ZC3H7A: variants seen among roughly 807,000 people sequenced by gnomAD.
ZC3H7A encodes the protein zinc finger CCCH-type containing 7A, also known as zinc finger CCCH domain-containing protein 7A.
A neutral mutation model predicts 125.5 loss-of-function variants in ZC3H7A; 44 were observed. That is an observed-to-expected ratio of 0.35 (90% confidence interval 0.28 to 0.45). The LOEUF is 0.45. ZC3H7A is among the 20% of genes least tolerant of loss of function. The pLI, the probability that ZC3H7A is intolerant of heterozygous loss-of-function variation, is 1.00. For missense variants in ZC3H7A, 977 were observed against 1,170.7 expected (o/e 0.83, Z 2.41); for synonymous variants, 399 against 391.2 (o/e 1.02, Z -0.23).
chr16:11,791,410 A>G (rs2053350215), intron 1 of ZC3H7A, among the ~76,000 whole-genome samples: 1 of 151,872 alleles, frequency 6.6e-6, no homozygotes, highest in African/African-American at 2.4e-5. Context: ...ATCCATCCAC[A>G]AGTGGGCTTA....
intron 19 of ZC3H7A, among the ~76,000 whole-genome samples, chr16:11,760,437 T>C (rs1448071832): frequency 1.3e-5 from 2 of 152,216 alleles, no homozygotes; most frequent in Non-Finnish European, 2.9e-5. Flanking sequence ...CCACTTTGGA[T>C]AAAACACAAA....
intron 12 of ZC3H7A, 90 bp downstream of exon 12, chr16:11,768,225 T>A (rs1000389525): frequency 1.6e-6 from 2 of 1,222,426 alleles, no homozygotes; most frequent in African/African-American, 3.1e-5. Context: ...TAATAACTGA[T>A]GTTGTTAACA....
At chr16:11,768,557 C>T in intron 11 of ZC3H7A, 56 bp from the exon 12 acceptor site, 2 of 1,373,812 alleles carry the variant, frequency 1.5e-6, no homozygotes, top group South Asian at 1.8e-5. Context: ...ATTGCATTAT[C>T]ACTGAAGAAA....
At chr16:11,752,519 CTT>C in intron 22 of ZC3H7A, 148 bp downstream of exon 22, 1 of 949,980 alleles carries the variant, frequency 1.1e-6, no homozygotes, top group Non-Finnish European at 1.5e-6. Flanking sequence ...CAGCGAAACA[CTT>C]TGAGCCAAAA....
intron 20 of ZC3H7A, among the ~76,000 whole-genome samples, chr16:11,758,219 C>G (rs1258414752): frequency 1.3e-5 from 2 of 152,172 alleles, no homozygotes; most frequent in Non-Finnish European, 2.9e-5. Context: ...CAAATCTGAC[C>G]TAACCAAACA....
intron 16 of ZC3H7A, chr16:11,763,261 C>A (rs1261902498): frequency 8.2e-6 from 3 of 366,202 alleles, no homozygotes; most frequent in East Asian, 4.6e-5. Context: ...GCGCCCACCA[C>A]CACGCCCGAT....
chr16:11,775,098 C>T, intron 7 of ZC3H7A, 85 bp from the exon 8 acceptor site: 17 of 1,429,166 alleles, frequency 1.2e-5, no homozygotes, highest in Non-Finnish European at 1.7e-5. Flanking sequence ...CTAGGCCGGG[C>T]ACAGTGGCTC....
intron 1 of ZC3H7A, among the ~76,000 whole-genome samples, chr16:11,787,162 T>TC (rs2053268759): frequency 6.6e-6 from 1 of 151,760 alleles, no homozygotes; most frequent in African/African-American, 2.4e-5. Context: ...TTAAGCCAGG[T>TC]GTGGTGGTAC....
At chr16:11,772,942 C>T (rs897298628) in intron 9 of ZC3H7A, among the ~76,000 whole-genome samples, 1 of 151,814 alleles carries the variant, frequency 6.6e-6, no homozygotes, top group Non-Finnish European at 1.5e-5. Flanking sequence ...CTGCCTGCCT[C>T]AGCCTCCCAA....
At chr16:11,788,232 C>G (rs1330333550) in intron 1 of ZC3H7A, among the ~76,000 whole-genome samples, 1 of 152,136 alleles carries the variant, frequency 6.6e-6, no homozygotes, top group Non-Finnish European at 1.5e-5. Flanking sequence ...GCCACTCTGT[C>G]TCCTGCAAGC....
intron 1 of ZC3H7A, among the ~76,000 whole-genome samples, chr16:11,795,284 A>G (rs1328200150): frequency 6.6e-6 from 1 of 152,238 alleles, no homozygotes; most frequent in Non-Finnish European, 1.5e-5. Flanking sequence ...AGGAGGCCAC[A>G]TGCCATCAGA....
In ZC3H7A at chr16:11,762,688, T is replaced by G. The variant is rs766509554; in HGVS notation, c.2062A>C (p.Asn688His). 1.2e-6 allele frequency: 2 copies of G among 1,614,074 alleles called. No homozygotes were observed. Among genetic ancestry groups the G allele is most frequent in the East Asian group, 2.2e-5 (1 of 44,884 alleles). The change falls in exon 17 of 23, where the codon AAT becomes CAT. Residue 688 changes from asparagine to histidine, a missense_variant. Physicochemically the swap from Asn to His is moderately conservative, Grantham distance 68 (BLOSUM62 1). This residue lies in a region of ZC3H7A where 436 missense variants were observed against 603.2 expected (regional missense o/e 0.72). Coordinates refer to ENST00000355758, the MANE Select transcript of ZC3H7A (RefSeq NM_014153.4). Reference protein sequence around the residue: ...SKRYWQNLEANVPGAQVLGNQ... With the variant: ...SKRYWQNLEAHVPGAQVLGNQ... ...AAAAATACCTGCGCTCCAGGTACAT[T>G]TGCTTCCAAATTCTGCCAATATCGT...
At chr16:11,791,628 A>C (rs1178484190) in intron 1 of ZC3H7A, among the ~76,000 whole-genome samples, 3 of 152,250 alleles carry the variant, frequency 2.0e-5, no homozygotes, top group Admixed American at 6.5e-5. Context: ...TCAGAGGCCC[A>C]GGAGATAGAA....
Position 11,765,851 on chromosome 16 carries a change from A to T in ZC3H7A, c.1523-166T>A, listed in dbSNP as rs1360024866. Among the ~76,000 whole-genome samples, 1 of 152,130 alleles carries T rather than the reference A, an allele frequency of 6.6e-6. No homozygotes were observed. Among genetic ancestry groups the T allele is most frequent in the East Asian group, 1.9e-4 (1 of 5,188 alleles). ...CAGCCTGGGCAACAGAGCAAGTCCC[A>T]GTGTCAAAATAAACAAACAAACAAA... On this transcript the variant is annotated intron_variant, in intron 13 of 22. Transcript: ENST00000355758. The surrounding 1 kb of genome is among the most constrained non-coding windows in gnomAD (Gnocchi z 4.8).
intron 16 of ZC3H7A, 94 bp downstream of exon 16, chr16:11,763,384 C>T (rs1290864829): frequency 2.3e-6 from 3 of 1,302,250 alleles, no homozygotes; most frequent in East Asian, 2.5e-5. Context: ...AGTGGGATTA[C>T]AGGCATGAGC....
Position 11,774,487 on chromosome 16 carries a change from C to G in ZC3H7A, c.652G>C (p.Val218Leu). Reference protein sequence around the residue: ...LLTPRQEAVPVVSLPAPSFSH... With the variant: ...LLTPRQEAVPLVSLPAPSFSH... The stretch of plus-strand genomic sequence containing the variant: ...AAACTGGGTGCCGGTAAAGAGACAA[C>G]AGGAACTGCTTCTTGCCTTGGAGTT... The change falls in exon 9 of 23, where the codon GTT becomes CTT. Residue 218 changes from valine (V) to leucine (L), a missense_variant. By Grantham distance (32) the Val-to-Leu change is conservative (BLOSUM62 1). Coordinates refer to ENST00000355758, the MANE Select transcript of ZC3H7A (RefSeq NM_014153.4). 1 of 1,570,290 alleles carries G rather than the reference C, an allele frequency of 6.4e-7. No homozygotes were observed. The highest frequency in any genetic ancestry group is 2.3e-5 in the East Asian group (1 of 44,036).
At position 11,780,507 on chromosome 16, in the gene ZC3H7A, AAGCTGATTAAATTATTTT is replaced by A. The variant is rs979339851; in HGVS notation, c.108+900_108+917del. On this transcript the variant is annotated intron_variant, in intron 3 of 22. Coordinates refer to ENST00000355758, the MANE Select transcript of ZC3H7A (RefSeq NM_014153.4). ...TGTCTCATTTTATGAATTCCTGTCT[AAGCTGATTAAATTATTTT>A]AGCTGATTAAATTATTTTAGAAGAC... 2.1e-4 allele frequency among the ~76,000 whole-genome samples: 32 copies of A among 152,302 alleles called. No individual in the cohort carries two copies. In the East Asian group the frequency reaches 4.8e-3, roughly 23 times the overall value.
chr16:11,752,918 G>T, intron 21 of ZC3H7A, 86 bp from the exon 22 acceptor site: 1 of 1,516,824 alleles, frequency 6.6e-7, no homozygotes, highest in Non-Finnish European at 8.8e-7. Flanking sequence ...TGGTGGGAGA[G>T]CCAGGCAAGA....
chr16:11,787,920 T>G (rs917585716), intron 1 of ZC3H7A, among the ~76,000 whole-genome samples: 5 of 149,178 alleles, frequency 3.4e-5, no homozygotes, highest in Non-Finnish European at 5.9e-5. Context: ...CACTCCAGCC[T>G]GGGGGACAAG....
Sources: allele counts gnomAD v4.1 joint callset (sites outside exome capture counted in the v4.1 genomes callset), GRCh38; gene constraint gnomAD v4.1.1; regional missense constraint gnomAD v4.1.1; non-coding constraint Gnocchi (gnomAD v3.1); transcripts MANE v1.5; gene names NCBI Gene and HGNC (gene_info 2026-07-23, HGNC 2026-07-21).